The following CENPF variants were observed in gnomAD, a reference collection of about 807,000 sequenced individuals.
CENPF encodes the protein centromere protein F.
In CENPF, 214 loss-of-function variants were observed where a neutral mutation model predicts 307.3. That is an observed-to-expected ratio of 0.70 (90% CI 0.62 to 0.78). CENPF has a LOEUF of 0.78. Ranked by LOEUF, CENPF falls within the 30% of genes least tolerant of loss-of-function variation. The probability of loss-of-function intolerance (pLI) is 0.00; values close to 1 mark genes in which losing one functional copy is unlikely to be tolerated. For missense variants in CENPF, 3,401 were observed against 3,483.9 expected, an observed-to-expected ratio of 0.98 and a Z score of 0.60; for synonymous variants, 1,259 against 1,270.6, an observed-to-expected ratio of 0.99 and a Z score of 0.19.
chr1:214,647,524 TA>T (rs1233496979), intron 13 of CENPF, 124 bp downstream of exon 13: 1 of 1,103,210 alleles, frequency 9.1e-7, no homozygotes, highest in Non-Finnish European at 1.2e-6. Flanking sequence ...CCAAACTTTG[TA>T]AAGGCTTTAT....
chr1:214,632,389 A>G, intron 9 of CENPF, 91 bp from the exon 10 acceptor site: 4 of 1,391,408 alleles, frequency 2.9e-6, no homozygotes, highest in Non-Finnish European at 4.0e-6. Flanking sequence ...CCATTTTGAT[A>G]TTCCATGACC....
chr1:214,632,767 A>C (rs191242696), intron 10 of CENPF, among the ~76,000 whole-genome samples, 165 bp downstream of exon 10: 1 of 152,320 alleles, frequency 6.6e-6, no homozygotes, highest in East Asian at 1.9e-4. Context: ...ATAACCCATG[A>C]CAGAATATGA....
chr1:214,640,188 C>A lies in CENPF; in HGVS notation c.1850C>A (p.Thr617Asn). The change falls in exon 12 of 20, where the codon ACT becomes AAT. Residue 617 changes from threonine (T) to asparagine (N), a missense_variant. By Grantham distance (65) the Thr-to-Asn change is moderately conservative. Transcript: ENST00000366955. ...TATGAAGAATTGAAAGAAGAGAAAACTCTGTTTTCTTGTTGGAAAAGTGAA... is the reference window on the plus strand; with the variant it reads ...TATGAAGAATTGAAAGAAGAGAAAAATCTGTTTTCTTGTTGGAAAAGTGAA... ...KEYEELKEEK[T>N]LFSCWKSENE... 1 of 1,595,888 alleles carries A rather than the reference C, an allele frequency of 6.3e-7. No homozygotes were observed. Among genetic ancestry groups the A allele is most frequent in the Non-Finnish European group, 8.5e-7 (1 of 1,175,648 alleles).
chr1:214,609,635 C>G (rs894736081), intron 1 of CENPF, among the ~76,000 whole-genome samples: 4 of 152,168 alleles, frequency 2.6e-5, no homozygotes, highest in Admixed American at 1.3e-4. Context: ...GTTTGTTTTA[C>G]AGGTAGACTC....
chr1:214,637,205 A>G (rs1374536241), intron 10 of CENPF, among the ~76,000 whole-genome samples: 1 of 152,182 alleles, frequency 6.6e-6, no homozygotes, highest in African/African-American at 2.4e-5. Flanking sequence ...AGCACACTCA[A>G]TGTCTCTTTA....
chr1:214,642,019 T>A lies in CENPF; in HGVS notation c.3681T>A (p.Ser1227Arg), dbSNP rs200042063. 6.2e-6 allele frequency: 10 copies of A among 1,611,048 alleles called. No individual in the cohort carries two copies. The African/African-American group carries it at 1.3e-4, about 22-fold the overall frequency. Reference protein sequence around the residue: ...LRNKELKLQESEKEKECLQHE... With the variant: ...LRNKELKLQEREKEKECLQHE... ...ATAAGGAATTAAAACTTCAGGAAAGTGAGAAGGAGAAGGAGTGCCTGCAGC... is the reference window on the plus strand; with the variant it reads ...ATAAGGAATTAAAACTTCAGGAAAGAGAGAAGGAGAAGGAGTGCCTGCAGC... The change falls in exon 12 of 20, where the codon AGT becomes AGA. Residue 1227 changes from serine (S) to arginine (R), a missense_variant. Ser to Arg is a moderately radical substitution (Grantham distance 110, BLOSUM62 -1). Transcript: ENST00000366955.
intron 1 of CENPF, among the ~76,000 whole-genome samples, chr1:214,609,809 G>T (rs774258338): frequency 2.3e-4 from 35 of 152,076 alleles, no homozygotes; most frequent in Non-Finnish European, 4.6e-4. Context: ...TTCTGTTCTT[G>T]CATTAGTTTG....
Position 214,643,201 on chromosome 1 carries a change from G to A in CENPF, c.4863G>A (p.Glu1621=). ...QKLTSVTLEM[E]SKLAAEKKQT... is the part of the protein sequence containing the mutation. ...TGACAAGCGTGACTCTGGAGATGGA[G>A]TCCAAGTTGGCGGCAGAAAAGAAAC... The change falls in exon 12 of 20, where the codon GAG becomes GAA. Residue 1621 remains glutamate, a synonymous_variant. Coordinates refer to ENST00000366955, the MANE Select transcript of CENPF (RefSeq NM_016343.4). 1.2e-6 allele frequency: 2 copies of A among 1,603,762 alleles called. No homozygotes were observed. Among genetic ancestry groups the A allele is most frequent in the South Asian group, 2.2e-5 (2 of 89,386 alleles).
chr1:214,625,301 G>A (rs1021959062), intron 7 of CENPF, among the ~76,000 whole-genome samples: 1 of 151,898 alleles, frequency 6.6e-6, no homozygotes, highest in Admixed American at 6.6e-5. Flanking sequence ...TGCAATCTCT[G>A]CCTCCCAGGT....
chr1:214,654,063 C>G (rs1251680097), intron 16 of CENPF: 1 of 151,624 alleles, frequency 6.6e-6, no homozygotes, highest in Non-Finnish European at 1.5e-5. Context: ...TTCTCCGTCC[C>G]CCATCCTCAT....
chr1:214,619,943 C>T (rs1657460199), intron 5 of CENPF, among the ~76,000 whole-genome samples: 1 of 152,106 alleles, frequency 6.6e-6, no homozygotes, highest in South Asian at 2.1e-4. Flanking sequence ...CTTTGTCATC[C>T]AGTTCAGTCA....
chr1:214,641,094 A>G lies in CENPF; in HGVS notation c.2756A>G (p.Lys919Arg). 6.4e-7 allele frequency: 1 copy of G among 1,570,710 alleles called. No individual in the cohort carries two copies. Among genetic ancestry groups the G allele is most frequent in the Non-Finnish European group, 8.6e-7 (1 of 1,167,520 alleles). ...KEKELQLLND[K>R]VETEQAEIQE... is the part of the protein sequence containing the mutation. Reference sequence around the variant, plus strand: ...AAAGAGCTGCAACTTTTAAATGATAAGGTAGAAACTGAGCAGGCAGAGATT... The same window carrying G: ...AAAGAGCTGCAACTTTTAAATGATAGGGTAGAAACTGAGCAGGCAGAGATT... The change falls in exon 12 of 20, where the codon AAG becomes AGG. Residue 919 changes from lysine (K) to arginine (R), a missense_variant. Physicochemically the swap from Lys to Arg is conservative, Grantham distance 26. Coordinates refer to ENST00000366955, the MANE Select transcript of CENPF (RefSeq NM_016343.4).
chr1:214,645,774 T>A lies in CENPF; in HGVS notation c.6204T>A (p.Leu2068=). ...IAQLNKEKEL[L]VKESESLQAR... The stretch of plus-strand genomic sequence containing the variant: ...AACTGAATAAAGAGAAAGAATTGCT[T>A]GTCAAGGAATCTGAAAGCCTGCAGG... The change falls in exon 13 of 20, where the codon CTT becomes CTA. Residue 2068 remains leucine, a synonymous_variant. Coordinates refer to ENST00000366955, the MANE Select transcript of CENPF (RefSeq NM_016343.4). 6.2e-7 allele frequency: 1 copy of A among 1,614,132 alleles called. No individual in the cohort carries two copies. Among genetic ancestry groups the A allele is most frequent in the South Asian group, 1.1e-5 (1 of 91,082 alleles).
Position 214,657,144 on chromosome 1 carries a change from G to A in CENPF, c.8697G>A (p.Gly2899=), listed in dbSNP as rs368848952. The change falls in exon 18 of 20, where the codon GGG becomes GGA. Residue 2899 remains glycine (G), a synonymous_variant. Transcript: ENST00000366955. ...AGCAATCTAAACAAGATTCCCGAGG[G>A]TCTCCTTTGCTAGGTCCAGTTGTTC... ...CSQQSKQDSR[G]SPLLGPVVPG... The A allele has an allele frequency of 5.0e-6, 8 of 1,614,032 alleles. No individual in the cohort carries two copies. Among genetic ancestry groups the A allele is most frequent in the Non-Finnish European group, 5.9e-6 (7 of 1,180,026 alleles).
intron 3 of CENPF, among the ~76,000 whole-genome samples, chr1:214,616,254 A>G (rs1184225461): frequency 1.3e-5 from 2 of 152,246 alleles, no homozygotes. Flanking sequence ...TGTTTAAGTA[A>G]TAAATAACTT....
Position 214,645,974 on chromosome 1 carries a change from A to G in CENPF, c.6404A>G (p.Gln2135Arg), listed in dbSNP as rs1558186463. The change falls in exon 13 of 20, where the codon CAG (glutamine) becomes CGG (arginine). Residue 2135 changes from glutamine (Q) to arginine (R), a missense_variant. Transcript: ENST00000366955. The stretch of plus-strand genomic sequence containing the variant: ...CGCATTGAGGCCGATGAAAAGAAGC[A>G]GCTGCACATCGCAGAGAAACTGAAA... ...RVRIEADEKK[Q>R]LHIAEKLKER... 3 of 1,614,194 alleles carry G rather than the reference A, an allele frequency of 1.9e-6. No individual in the cohort carries two copies. The highest frequency in any genetic ancestry group is 1.7e-6 in the Non-Finnish European group (2 of 1,180,040).
At position 214,642,419 on chromosome 1, in the gene CENPF, G is replaced by A; in HGVS notation, c.4081G>A (p.Val1361Met). 6.3e-7 allele frequency: 1 copy of A among 1,599,644 alleles called. No individual in the cohort carries two copies. The highest frequency in any genetic ancestry group is 8.5e-7 in the Non-Finnish European group (1 of 1,173,138). ...CAGTGGTCTTCTCCATGGTGAGTTA[G>A]TGGAAGACATACCAGGAGGTGAATT... is the stretch of plus-strand genomic sequence containing the variant. ...DDSGLLHGELVEDIPGGEFGE... is the reference protein window; with the variant it reads ...DDSGLLHGELMEDIPGGEFGE... The change falls in exon 12 of 20, where the codon GTG becomes ATG. Residue 1361 changes from valine (V) to methionine (M), a missense_variant. Physicochemically the swap from Val to Met is conservative, Grantham distance 21. Transcript: ENST00000366955.
Position 214,640,858 on chromosome 1 carries a change from G to A in CENPF, c.2520G>A (p.Glu840=), listed in dbSNP as rs145907868. The A allele has an allele frequency of 3.6e-5, 57 of 1,599,058 alleles. No homozygotes were observed. In the African/African-American group the frequency reaches 3.9e-4, roughly 11 times the overall value. ...TTGATTCACTTGAATTTTCATTAGAGTCTCAAAAACAGATGAACTCAGACC... is the reference window on the plus strand; with the variant it reads ...TTGATTCACTTGAATTTTCATTAGAATCTCAAAAACAGATGAACTCAGACC... The part of the protein sequence containing the change: ...NRVDSLEFSL[E]SQKQMNSDLQ... The change falls in exon 12 of 20, where the codon GAG becomes GAA. Residue 840 remains glutamate, a synonymous_variant. Transcript: ENST00000366955.
In CENPF at chr1:214,645,302, AAGCT is replaced by A. The variant is rs1179529020; in HGVS notation, c.5736_5739del (p.Ser1913LeufsTer12). On this transcript the variant is annotated frameshift_variant, in exon 13 of 20. Coordinates refer to ENST00000366955, the MANE Select transcript of CENPF (RefSeq NM_016343.4). LOFTEE classifies it high-confidence loss of function. ...GAGCTGAGTAGGATCAGATCGGAGA[AAGCT>A]AGCATTGAGCATGAAGCCCTCTACC... is the stretch of plus-strand genomic sequence containing the variant. 8.1e-6 allele frequency: 13 copies of A among 1,614,140 alleles called. No individual in the cohort carries two copies. The highest frequency in any genetic ancestry group is 1.1e-5 in the Non-Finnish European group (13 of 1,180,022).
Sources: gnomAD v4.1 joint callset for allele counts (sites outside exome capture counted in the v4.1 genomes callset) on GRCh38, gnomAD v4.1.1 for gene constraint, MANE v1.5 for transcripts, NCBI Gene and HGNC (gene_info 2026-07-23, HGNC 2026-07-21) for gene names.